Variants in EFNA5 observed in about 807,000 individuals in gnomAD.
EFNA5 encodes ephrin A5.
EFNA5 carries 5 observed loss-of-function variants against 22.9 expected under a neutral mutation model. The ratio of observed to expected loss-of-function variants is 0.22; its 90% confidence interval spans 0.11 to 0.46. The LOEUF (loss-of-function observed/expected upper bound fraction) is 0.46. Ranked by LOEUF, EFNA5 falls within the 20% of genes least tolerant of loss-of-function variation. EFNA5 has a pLI of 0.99. For missense variants in EFNA5, 237 were observed against 293.3 expected, an observed-to-expected ratio of 0.81 and a Z score of 1.40; for synonymous variants, 113 against 112.2, an observed-to-expected ratio of 1.01 and a Z score of -0.04.
At chr5:107,469,474 G>T (rs1323752613) in intron 1 of EFNA5, among the ~76,000 whole-genome samples, 1 of 152,062 alleles carries the variant, frequency 6.6e-6, no homozygotes, top group Non-Finnish European at 1.5e-5. Context: ...GAATGGCTTG[G>T]TTGTTAACAA....
chr5:107,537,468 G>A (rs1189285609), intron 1 of EFNA5, among the ~76,000 whole-genome samples: 9 of 152,112 alleles, frequency 5.9e-5, no homozygotes, highest in African/African-American at 9.7e-5. Context: ...GTGTGGTGGC[G>A]GCTGCCTGTA....
intron 1 of EFNA5, among the ~76,000 whole-genome samples, chr5:107,593,462 C>A (rs1471925604): frequency 2.0e-5 from 3 of 152,194 alleles, no homozygotes; most frequent in Non-Finnish European, 2.9e-5. Context: ...GACTTAAAGT[C>A]CAACCTGCTT....
chr5:107,661,153 AG>A lies in EFNA5; in HGVS notation c.125+9335del, dbSNP rs926736584. Among the ~76,000 whole-genome samples the A allele has an allele frequency of 1.3e-3, 195 of 149,740 alleles. 1 individual carries two copies. Among genetic ancestry groups the A allele is most frequent in the African/African-American group, 4.4e-3 (181 of 41,074 alleles). On this transcript the variant is annotated intron_variant, in intron 1 of 4. Coordinates refer to ENST00000333274, the MANE Select transcript of EFNA5 (RefSeq NM_001962.3). Reference sequence around the variant, plus strand: ...AGAAGAAGAAGAAGAAGAAAAAAAAAGTATTAGCTAAATAAAGCAGGCAAAC... The same window carrying A: ...AGAAGAAGAAGAAGAAGAAAAAAAAATATTAGCTAAATAAAGCAGGCAAAC...
intron 1 of EFNA5, among the ~76,000 whole-genome samples, chr5:107,566,160 CT>C (rs1208084451): frequency 6.6e-6 from 1 of 152,168 alleles, no homozygotes; most frequent in Non-Finnish European, 1.5e-5. Flanking sequence ...TCCTGCCCCC[CT>C]CTAAGTGATG....
At chr5:107,517,631 C>A (rs746322434) in intron 1 of EFNA5, among the ~76,000 whole-genome samples, 1 of 152,162 alleles carries the variant, frequency 6.6e-6, no homozygotes, top group Non-Finnish European at 1.5e-5. Context: ...CACTGGGAAA[C>A]AACGTCAAAC....
chr5:107,530,843 T>G (rs995326918), intron 1 of EFNA5, among the ~76,000 whole-genome samples: 1 of 152,178 alleles, frequency 6.6e-6, no homozygotes, highest in East Asian at 1.9e-4. Context: ...GTGACTGGCA[T>G]ACAGTAGGCA....
intron 1 of EFNA5, among the ~76,000 whole-genome samples, chr5:107,440,416 G>C (rs1749225550): frequency 6.6e-6 from 1 of 152,130 alleles, no homozygotes; most frequent in South Asian, 2.1e-4. Flanking sequence ...ATAGTTCAAA[G>C]GGAGTGCACA....
At chr5:107,520,695 C>T (rs1404952378) in intron 1 of EFNA5, among the ~76,000 whole-genome samples, 2 of 152,166 alleles carry the variant, frequency 1.3e-5, no homozygotes, top group African/African-American at 2.4e-5. Context: ...GAAGAGCTGG[C>T]CTTCAAACTA....
intron 1 of EFNA5, among the ~76,000 whole-genome samples, chr5:107,449,826 C>G (rs552807796): frequency 1.3e-5 from 2 of 152,292 alleles, no homozygotes; most frequent in East Asian, 3.9e-4. Flanking sequence ...TAAACTTTTC[C>G]TCTTCCAAAG....
intron 1 of EFNA5, among the ~76,000 whole-genome samples, chr5:107,516,305 T>C (rs1359906240): frequency 2.0e-5 from 3 of 151,982 alleles, no homozygotes; most frequent in Admixed American, 1.3e-4. Flanking sequence ...CCCAAAGTGC[T>C]GGGATTATAG....
intron 1 of EFNA5, among the ~76,000 whole-genome samples, chr5:107,571,104 G>C (rs1748794363): frequency 6.6e-6 from 1 of 152,138 alleles, no homozygotes; most frequent in African/African-American, 2.4e-5. Context: ...CCAAGAATGG[G>C]GCCCAGGGCG....
intron 1 of EFNA5, among the ~76,000 whole-genome samples, chr5:107,666,888 T>C (rs945526088): frequency 2.6e-5 from 4 of 152,138 alleles, no homozygotes; most frequent in Non-Finnish European, 5.9e-5. Context: ...TTCTTAGTAT[T>C]ATGACTCTCT....
rs1391033089 is a variant in EFNA5 at position 107,413,650 on chromosome 5, C to T, written c.418+13567G>A. ...TTTATGTGGCTTTCTGATTCTTATC[C>T]TAACACAGCTTGCCACTTTGAAAAA... On this transcript the variant is annotated intron_variant, in intron 2 of 4. Coordinates refer to ENST00000333274, the MANE Select transcript of EFNA5 (RefSeq NM_001962.3). 3.3e-5 allele frequency among the ~76,000 whole-genome samples: 5 copies of T among 152,210 alleles called. No individual in the cohort carries two copies. The East Asian group carries it at 5.8e-4, about 18-fold the overall frequency.
At chr5:107,469,901 C>T (rs1054872895) in intron 1 of EFNA5, among the ~76,000 whole-genome samples, 1 of 152,190 alleles carries the variant, frequency 6.6e-6, no homozygotes, top group Admixed American at 6.5e-5. Flanking sequence ...TTCTCTTTAA[C>T]AACTCTTTCT....
chr5:107,658,190 A>G (rs1428862556), intron 1 of EFNA5, among the ~76,000 whole-genome samples: 2 of 152,210 alleles, frequency 1.3e-5, no homozygotes, highest in African/African-American at 4.8e-5. Context: ...GTTAATGTAA[A>G]AAGAACATTT....
intron 1 of EFNA5, among the ~76,000 whole-genome samples, chr5:107,618,543 G>A (rs187429169): frequency 1.1e-3 from 162 of 152,274 alleles, no homozygotes; most frequent in Admixed American, 2.8e-3. Flanking sequence ...AATACATTTG[G>A]CATAATCTTC....
chr5:107,662,989 T>C (rs1750995497), intron 1 of EFNA5, among the ~76,000 whole-genome samples: 1 of 152,076 alleles, frequency 6.6e-6, no homozygotes. Context: ...TAATATATAA[T>C]ATGCCTGGGT....
At chr5:107,475,217 T>C (rs1436153670) in intron 1 of EFNA5, among the ~76,000 whole-genome samples, 2 of 152,226 alleles carry the variant, frequency 1.3e-5, no homozygotes, top group Admixed American at 1.3e-4. Flanking sequence ...TAAATGTTAA[T>C]AATTAATTTG....
At chr5:107,644,455 C>T (rs945023636) in intron 1 of EFNA5, among the ~76,000 whole-genome samples, 1 of 152,056 alleles carries the variant, frequency 6.6e-6, no homozygotes, top group South Asian at 2.1e-4. Context: ...TCGGAATAGG[C>T]TCATTAAACA....
Sources: gnomAD v4.1 joint callset for allele counts (sites outside exome capture counted in the v4.1 genomes callset) on GRCh38, gnomAD v4.1.1 for gene constraint, MANE v1.5 for transcripts, NCBI Gene and HGNC (gene_info 2026-07-23, HGNC 2026-07-21) for gene names.